The following OSBPL8 variants were observed in gnomAD, a reference collection of about 807,000 sequenced individuals.
The protein encoded by OSBPL8 is oxysterol-binding protein-related protein 8.
OSBPL8 carries 59 observed loss-of-function variants against 125.5 expected under a neutral mutation model. The ratio of observed to expected loss-of-function variants is 0.47; its 90% CI spans 0.38 to 0.58. The LOEUF is 0.58. Among genes scored for constraint, OSBPL8 ranks in the 20% least tolerant of loss-of-function variants. The pLI is 0.00. For missense variants in OSBPL8, 758 were observed against 1,047.8 expected (o/e 0.72, Z 3.82); for synonymous variants, 330 against 338.9 (o/e 0.97, Z 0.29).
chr12:76,456,276 G>A (rs1044715285), intron 3 of OSBPL8, among the ~76,000 whole-genome samples: 5 of 152,102 alleles, frequency 3.3e-5, no homozygotes, highest in African/African-American at 1.2e-4. Flanking sequence ...TTAAATGTCA[G>A]TATAGATCAC....
At chr12:76,509,275 A>T (rs1261648553) in intron 1 of OSBPL8, among the ~76,000 whole-genome samples, 2 of 152,172 alleles carry the variant, frequency 1.3e-5, no homozygotes, top group Non-Finnish European at 2.9e-5. Flanking sequence ...AGGTTTGTGT[A>T]TTAATAAGTA....
intron 1 of OSBPL8, among the ~76,000 whole-genome samples, chr12:76,489,365 G>A (rs1298458917): frequency 1.3e-5 from 2 of 152,190 alleles, no homozygotes; most frequent in African/African-American, 2.4e-5. Flanking sequence ...ATCTAGAGAG[G>A]AGAAGTCAAT....
intron 1 of OSBPL8, among the ~76,000 whole-genome samples, chr12:76,516,608 G>A (rs945197730): frequency 6.6e-6 from 1 of 152,116 alleles, no homozygotes; most frequent in African/African-American, 2.4e-5. Context: ...AGTAATAAAT[G>A]TCAAAGAACA....
chr12:76,451,475 C>A (rs1218067716), intron 3 of OSBPL8, among the ~76,000 whole-genome samples: 2 of 152,128 alleles, frequency 1.3e-5, no homozygotes, highest in Admixed American at 1.3e-4. Context: ...TTCTAATTTT[C>A]ACGAAAAGTC....
chr12:76,449,308 A>G (rs574269322), intron 4 of OSBPL8, among the ~76,000 whole-genome samples: 1 of 152,368 alleles, frequency 6.6e-6, no homozygotes, highest in East Asian at 1.9e-4. Context: ...TTGATTAAAT[A>G]AACTTCAGCT....
intron 4 of OSBPL8, among the ~76,000 whole-genome samples, chr12:76,425,027 T>A (rs1252978257): frequency 1.3e-5 from 2 of 152,168 alleles, no homozygotes; most frequent in Admixed American, 6.5e-5. Context: ...ATAACCCTTT[T>A]GCACATAATT....
At position 76,390,568 on chromosome 12, in the gene OSBPL8, T is replaced by A; in HGVS notation, c.1019A>T (p.Asp340Val). The A allele has an allele frequency of 6.2e-7, 1 of 1,613,796 alleles. No individual in the cohort carries two copies. Among genetic ancestry groups the A allele is most frequent in the Non-Finnish European group, 8.5e-7 (1 of 1,179,792 alleles). ...CCCCATCACCTCATTATCAGACTCA[T>A]CATGTTCTTGATCATTTTCTTTATC... ...KSDKENDQEH[D>V]ESDNEVMGKS... The change falls in exon 11 of 24, where the codon GAT becomes GTT. Residue 340 changes from aspartate (D) to valine (V), a missense_variant. Physicochemically the swap from Asp to Val is radical, Grantham distance 152 (BLOSUM62 -3). Transcript: ENST00000261183.
chr12:76,413,533 T>C (rs1868318795), intron 4 of OSBPL8, among the ~76,000 whole-genome samples: 1 of 152,244 alleles, frequency 6.6e-6, no homozygotes, highest in Admixed American at 6.5e-5. Flanking sequence ...GGAGGAATCC[T>C]GGGTCACAGA....
chr12:76,477,446 A>G (rs117294643), intron 2 of OSBPL8, among the ~76,000 whole-genome samples: 1,609 of 152,320 alleles, frequency 0.011, 18 homozygotes, highest in Non-Finnish European at 0.017. Flanking sequence ...AAAATCCATT[A>G]AACTTAGTCT....
At chr12:76,489,358 T>C (rs559955364) in intron 1 of OSBPL8, among the ~76,000 whole-genome samples, 1 of 152,354 alleles carries the variant, frequency 6.6e-6, no homozygotes, top group African/African-American at 2.4e-5. Context: ...CTTTCATATC[T>C]AGAGAGGAGA....
intron 2 of OSBPL8, among the ~76,000 whole-genome samples, chr12:76,473,377 C>T (rs1002916053): frequency 1.3e-5 from 2 of 152,144 alleles, no homozygotes; most frequent in African/African-American, 4.8e-5. Context: ...GCCACCCACA[C>T]ACTACCATAG....
Position 76,352,301 on chromosome 12 carries a change from G to T in OSBPL8, c.*3588C>A, listed in dbSNP as rs1230696479. ...AATATTCACATTCATTTTGTCATGG[G>T]TTTCACGTGGCTCTTCTAAATATAT... On this transcript the variant is annotated 3_prime_UTR_variant, in exon 24 of 24. Transcript: ENST00000261183. 6.6e-6 allele frequency: 1 copy of T among 152,298 alleles called. No individual in the cohort carries two copies. The highest frequency in any genetic ancestry group is 1.5e-5 in the Non-Finnish European group (1 of 67,964). 9.4% of individuals were successfully genotyped at this position (152,298 alleles called of 1,614,324 possible).
chr12:76,538,199 A>C (rs930476427), intron 1 of OSBPL8, among the ~76,000 whole-genome samples: 1 of 152,196 alleles, frequency 6.6e-6, no homozygotes, highest in Non-Finnish European at 1.5e-5. Flanking sequence ...ATTATACATC[A>C]ATGTAGTCAC....
At chr12:76,404,115 A>C (rs1954158395) in intron 5 of OSBPL8, among the ~76,000 whole-genome samples, 1 of 152,288 alleles carries the variant, frequency 6.6e-6, no homozygotes, top group East Asian at 1.9e-4. Flanking sequence ...CTCCTTTAAG[A>C]ATTGGAGTTG....
chr12:76,494,407 G>A (rs1029365611), intron 1 of OSBPL8, among the ~76,000 whole-genome samples: 1 of 152,170 alleles, frequency 6.6e-6, no homozygotes, highest in Non-Finnish European at 1.5e-5. Flanking sequence ...AACATGATCT[G>A]AGATTTTTAG....
At chr12:76,458,847 T>C (rs1874370267) in intron 3 of OSBPL8, among the ~76,000 whole-genome samples, 1 of 152,200 alleles carries the variant, frequency 6.6e-6, no homozygotes, top group Admixed American at 6.5e-5. Flanking sequence ...ATTTTCTCAT[T>C]CAGTTCCTTT....
At chr12:76,421,868 G>T (rs1191131734) in intron 4 of OSBPL8, among the ~76,000 whole-genome samples, 1 of 146,102 alleles carries the variant, frequency 6.8e-6, no homozygotes, top group Non-Finnish European at 1.5e-5. Context: ...CTAAATCATA[G>T]CTGTCAAATG....
At chr12:76,386,747 C>T in intron 12 of OSBPL8, 87 bp from the exon 13 acceptor site, 1 of 863,570 alleles carries the variant, frequency 1.2e-6, no homozygotes, top group East Asian at 2.6e-5. Flanking sequence ...GAGTATGAAA[C>T]ATGATTGGAA....
intron 4 of OSBPL8, among the ~76,000 whole-genome samples, chr12:76,411,962 G>C (rs2136427310): frequency 6.6e-6 from 1 of 152,144 alleles, no homozygotes; most frequent in East Asian, 1.9e-4. Flanking sequence ...AAAACTACTT[G>C]ACTGTATCTA....
Sources: allele counts gnomAD v4.1 joint callset (sites outside exome capture counted in the v4.1 genomes callset), GRCh38; gene constraint gnomAD v4.1.1; transcripts MANE v1.5; gene names NCBI Gene and HGNC (gene_info 2026-07-23, HGNC 2026-07-21).